The following TMEM132C variants were observed in gnomAD, a reference collection of about 807,000 sequenced individuals.
The protein encoded by TMEM132C is transmembrane protein 132C.
In TMEM132C, 29 loss-of-function variants were observed where a neutral mutation model predicts 61.4. The ratio of observed to expected loss-of-function variants is 0.47; its 90% CI spans 0.35 to 0.64. TMEM132C has a LOEUF of 0.64. Among genes scored for constraint, TMEM132C ranks in the 30% least tolerant of loss-of-function variants. The pLI, the probability that TMEM132C is intolerant of heterozygous loss-of-function variation, is 0.00. For synonymous variants in TMEM132C, 656 were observed against 633.1 expected (o/e 1.04, Z -0.54); for missense variants, 1,408 against 1,476.9 (o/e 0.95, Z 0.76).
chr12:128,614,939 G>C (rs188866356), intron 3 of TMEM132C, among the ~76,000 whole-genome samples: 1 of 152,128 alleles, frequency 6.6e-6, no homozygotes, highest in Non-Finnish European at 1.5e-5. Flanking sequence ...GTCACCCCTC[G>C]GCATGATGAT....
At chr12:128,299,910 G>A (rs1158462966) in intron 1 of TMEM132C, among the ~76,000 whole-genome samples, 1 of 152,196 alleles carries the variant, frequency 6.6e-6, no homozygotes, top group Non-Finnish European at 1.5e-5. Flanking sequence ...TCCCACACCA[G>A]GAAGAGACCA....
rs1555243296 is a variant in TMEM132C at position 128,686,071 on chromosome 12, G to GTGTGTGCGCATGTGTGT, written c.1450-7740_1450-7724dup. On this transcript the variant is annotated intron_variant, in intron 5 of 8. Transcript: ENST00000435159. ...TGTGTGCATGTGTGTGTGTGCATGC[G>GTGTGTGCGCATGTGTGT]TGTGTGCGCATGTGTGTTGTGTGCG... Among the ~76,000 whole-genome samples, 10 of 147,370 alleles carry GTGTGTGCGCATGTGTGT rather than the reference G, an allele frequency of 6.8e-5. 2 individuals carry two copies. The highest frequency in any genetic ancestry group is 3.9e-4 in the East Asian group (2 of 5,090).
intron 2 of TMEM132C, among the ~76,000 whole-genome samples, chr12:128,478,410 C>A (rs895719125): frequency 3.9e-5 from 6 of 152,180 alleles, no homozygotes; most frequent in African/African-American, 1.4e-4. Flanking sequence ...CAAGGCTGAG[C>A]AAAGGAGTGG....
chr12:128,485,422 C>T (rs1364868313), intron 2 of TMEM132C, among the ~76,000 whole-genome samples: 3 of 152,136 alleles, frequency 2.0e-5, no homozygotes, highest in Non-Finnish European at 4.4e-5. Context: ...GGTGATTCGC[C>T]CACCTCGGCC....
In TMEM132C at chr12:128,535,847, G is replaced by A. The variant is rs573800573; in HGVS notation, c.975-8110G>A. 2.5e-4 allele frequency among the ~76,000 whole-genome samples: 36 copies of A among 142,444 alleles called. No individual in the cohort carries two copies. The East Asian group carries it at 5.5e-3, about 22-fold the overall frequency. 93.4% of individuals were successfully genotyped at this position (142,444 alleles called of 152,430 possible). On this transcript the variant is annotated intron_variant, in intron 2 of 8. Coordinates refer to ENST00000435159, the MANE Select transcript of TMEM132C (RefSeq NM_001136103.3). ...CACGCCACTGCACTCCAGCCTGGGTGACAGAGCAAGACTCCATCAAAAAAA... is the reference window on the plus strand; with the variant it reads ...CACGCCACTGCACTCCAGCCTGGGTAACAGAGCAAGACTCCATCAAAAAAA...
chr12:128,412,010 C>T (rs1181733479), intron 1 of TMEM132C, among the ~76,000 whole-genome samples: 2 of 152,096 alleles, frequency 1.3e-5, no homozygotes, highest in Non-Finnish European at 2.9e-5. Flanking sequence ...TACTTTTGTC[C>T]AAAACAAATT....
chr12:128,332,689 T>C lies in TMEM132C; in HGVS notation c.85+65202T>C, dbSNP rs376762314. ...GCTCTGAGTCCATGCTGTGGGAAGG[T>C]GCTGGCCTTCATGGATGGGCCTCCC... On this transcript the variant is annotated intron_variant, in intron 1 of 8. Transcript: ENST00000435159. Among the ~76,000 whole-genome samples, 348 of 152,342 alleles carry C rather than the reference T, an allele frequency of 2.3e-3. 3 individuals are homozygous for C. The highest frequency in any genetic ancestry group is 0.01 in the Middle Eastern group (3 of 294).
At chr12:128,682,100 C>A (rs1593146658) in intron 5 of TMEM132C, among the ~76,000 whole-genome samples, 1 of 152,286 alleles carries the variant, frequency 6.6e-6, no homozygotes, top group East Asian at 1.9e-4. Flanking sequence ...ACCTCTGAGC[C>A]AATTGCTGTG....
At chr12:128,291,719 C>T (rs1451291726) in intron 1 of TMEM132C, among the ~76,000 whole-genome samples, 4 of 152,204 alleles carry the variant, frequency 2.6e-5, no homozygotes, top group Admixed American at 2.6e-4. Context: ...CCTGTTTCCC[C>T]TGCTCACTTC....
intron 1 of TMEM132C, among the ~76,000 whole-genome samples, chr12:128,365,431 T>G (rs577361488): frequency 6.6e-6 from 1 of 152,298 alleles, no homozygotes; most frequent in Non-Finnish European, 1.5e-5. Flanking sequence ...ATTACTATTA[T>G]TAGTTCTATT....
At chr12:128,524,598 A>T (rs982321545) in intron 2 of TMEM132C, among the ~76,000 whole-genome samples, 3 of 152,168 alleles carry the variant, frequency 2.0e-5, no homozygotes, top group Non-Finnish European at 4.4e-5. Context: ...TAATTTGTGA[A>T]TTGGGAGAAA....
intron 4 of TMEM132C, among the ~76,000 whole-genome samples, chr12:128,647,577 A>C (rs1237340242): frequency 6.8e-6 from 1 of 147,554 alleles, no homozygotes; most frequent in Non-Finnish European, 1.5e-5. Context: ...TCCCATCAGC[A>C]TTGGATGTGA....
intron 8 of TMEM132C, among the ~76,000 whole-genome samples, chr12:128,703,934 T>A (rs1954819636): frequency 1.3e-5 from 2 of 152,182 alleles, no homozygotes. Context: ...TTCCCACTCT[T>A]GGAAGCAGAA....
chr12:128,628,404 C>T (rs1338031230), intron 4 of TMEM132C, among the ~76,000 whole-genome samples: 2 of 152,202 alleles, frequency 1.3e-5, no homozygotes, highest in Non-Finnish European at 2.9e-5. Context: ...GAGCCTCTTC[C>T]CCACATTCCA....
intron 3 of TMEM132C, among the ~76,000 whole-genome samples, chr12:128,571,851 T>C (rs1366374629): frequency 6.6e-6 from 1 of 152,198 alleles, no homozygotes; most frequent in Non-Finnish European, 1.5e-5. Flanking sequence ...TAGAGGCAGA[T>C]TTTCCTTTCC....
At chr12:128,419,299 C>G (rs1868898189) in intron 2 of TMEM132C, among the ~76,000 whole-genome samples, 1 of 152,152 alleles carries the variant, frequency 6.6e-6, no homozygotes, top group African/African-American at 2.4e-5. Flanking sequence ...AGCCTCAAGC[C>G]AGCTGGCAAA....
chr12:128,651,347 C>T (rs948889407), intron 4 of TMEM132C, among the ~76,000 whole-genome samples: 12 of 152,214 alleles, frequency 7.9e-5, no homozygotes, highest in African/African-American at 1.4e-4. Context: ...CTTCAGACAA[C>T]GACTCCATCC....
At position 128,622,360 on chromosome 12, in the gene TMEM132C, A is replaced by AAAAT. The variant is rs1277080166; in HGVS notation, c.1305+6026_1305+6027insAATA. Among the ~76,000 whole-genome samples the AAAAT allele has an allele frequency of 7.6e-3, 229 of 30,014 alleles. 6 individuals are homozygous for AAAAT. Among genetic ancestry groups the AAAAT allele is most frequent in the South Asian group, 0.011 (7 of 644 alleles). The allele number at this position is 30,014 out of a possible 152,430, so 19.7% of individuals were successfully genotyped here. On this transcript the variant is annotated intron_variant, in intron 4 of 8. Coordinates refer to ENST00000435159, the MANE Select transcript of TMEM132C (RefSeq NM_001136103.3). Reference sequence around the variant, plus strand: ...CTTTGTCTCAAAAAAAAAAAAAAAAAATATATATATATATATATATATATA... The same window carrying AAAAT: ...CTTTGTCTCAAAAAAAAAAAAAAAAAAAATATATATATATATATATATATATATA...
Position 128,549,412 on chromosome 12 carries a change from C to T in TMEM132C, c.1121+5309C>T, listed in dbSNP as rs1000210891. On this transcript the variant is annotated intron_variant, in intron 3 of 8. Coordinates refer to ENST00000435159, the MANE Select transcript of TMEM132C (RefSeq NM_001136103.3). ...ACTCAGTAAAGCCACCATCACCCCC[C>T]GGCGCGTCAAAGGGCTGCTTGGCTC... Among the ~76,000 whole-genome samples, 11 of 152,170 alleles carry T rather than the reference C, an allele frequency of 7.2e-5. 1 individual carries two copies. In the South Asian group the frequency reaches 1.2e-3, roughly 17 times the overall value.
Sources: gnomAD v4.1 joint callset for allele counts (sites outside exome capture counted in the v4.1 genomes callset) on GRCh38, gnomAD v4.1.1 for gene constraint, MANE v1.5 for transcripts, NCBI Gene and HGNC (gene_info 2026-07-23, HGNC 2026-07-21) for gene names.